PRKG1: variants seen among roughly 807,000 people sequenced by gnomAD.
PRKG1 encodes the protein protein kinase cGMP-dependent 1.
In PRKG1, 35 loss-of-function variants were observed where a neutral mutation model predicts 88.1. The observed-to-expected ratio is 0.40, with a 90% CI of 0.30 to 0.53. The LOEUF (loss-of-function observed/expected upper bound fraction) is 0.53, where lower values mean the gene tolerates loss of function less well. PRKG1 is among the 20% of genes least tolerant of loss of function. The pLI, the probability that PRKG1 is intolerant of heterozygous loss-of-function variation, is 0.59. For synonymous variants in PRKG1, 303 were observed against 292.5 expected, an observed-to-expected ratio of 1.04 and a Z score of -0.37; for missense variants, 540 against 839.8, an observed-to-expected ratio of 0.64 and a Z score of 4.41.
At chr10:51,832,658 A>G (rs868185984) in intron 4 of PRKG1, among the ~76,000 whole-genome samples, 3 of 152,140 alleles carry the variant, frequency 2.0e-5, no homozygotes, top group Non-Finnish European at 4.4e-5. Flanking sequence ...AAGCATGTAC[A>G]TTTTTTATGT....
At chr10:51,398,475 G>C (rs970358021) in intron 2 of PRKG1, among the ~76,000 whole-genome samples, 7 of 152,178 alleles carry the variant, frequency 4.6e-5, no homozygotes, top group African/African-American at 1.7e-4. Context: ...CCCAGGATTT[G>C]AGGACCCCTG....
At chr10:51,875,025 A>G (rs1449553662) in intron 4 of PRKG1, among the ~76,000 whole-genome samples, 2 of 152,168 alleles carry the variant, frequency 1.3e-5, no homozygotes, top group South Asian at 2.1e-4. Flanking sequence ...CAAAAGTGGT[A>G]ATTATCATAA....
At chr10:51,329,915 A>G (rs907070769) in intron 2 of PRKG1, among the ~76,000 whole-genome samples, 19 of 140,904 alleles carry the variant, frequency 1.3e-4, no homozygotes, top group African/African-American at 5.0e-4. Flanking sequence ...TGATTGTACT[A>G]TGTCTTAGGG....
At chr10:51,430,193 A>G (rs1378906979) in intron 2 of PRKG1, among the ~76,000 whole-genome samples, 1 of 151,632 alleles carries the variant, frequency 6.6e-6, no homozygotes, top group Non-Finnish European at 1.5e-5. Flanking sequence ...AGACAGGAGG[A>G]TTGCTTGAAC....
intron 1 of PRKG1, among the ~76,000 whole-genome samples, chr10:51,134,625 G>A (rs943745071): frequency 9.2e-5 from 14 of 152,156 alleles, no homozygotes; most frequent in Middle Eastern, 3.4e-3. Context: ...CTTTTCTATC[G>A]TAGATTTAAT....
chr10:51,952,770 G>A (rs1843215714), intron 5 of PRKG1, among the ~76,000 whole-genome samples: 2 of 152,202 alleles, frequency 1.3e-5, no homozygotes, highest in South Asian at 2.1e-4. Flanking sequence ...GAACCACACA[G>A]CCTTATTGGG....
At chr10:52,196,829 G>A (rs756881319) in intron 9 of PRKG1, among the ~76,000 whole-genome samples, 1 of 152,076 alleles carries the variant, frequency 6.6e-6, no homozygotes, top group African/African-American at 2.4e-5. Context: ...AAACCTCTTT[G>A]AAATAAGTTA....
At chr10:51,245,895 G>A (rs2132132195) in intron 2 of PRKG1, 1 of 152,196 alleles carries the variant, frequency 6.6e-6, no homozygotes, top group South Asian at 2.1e-4. Flanking sequence ...AGAGTAGGAA[G>A]CTTGATCAAA....
In PRKG1 at chr10:51,093,274, G is replaced by C. The variant is rs557757248; in HGVS notation, c.311+18373G>C. Among the ~76,000 whole-genome samples the C allele has an allele frequency of 3.0e-3, 464 of 152,230 alleles. 1 individual carries two copies. Among genetic ancestry groups the C allele is most frequent in the Non-Finnish European group, 4.8e-3 (329 of 68,010 alleles). ...AATCTGTATTTTAACCACCCATCTA[G>C]GTGATTCTGACGTGCCTTAAAAGTA... On this transcript the variant is annotated intron_variant, in intron 1 of 17. Coordinates refer to ENST00000373980, the MANE Select transcript of PRKG1 (RefSeq NM_006258.4).
At chr10:52,240,138 A>T (rs1418214590) in intron 9 of PRKG1, among the ~76,000 whole-genome samples, 1 of 152,206 alleles carries the variant, frequency 6.6e-6, no homozygotes, top group African/African-American at 2.4e-5. Flanking sequence ...TCCTGTAAGT[A>T]TGCACTGCAT....
intron 1 of PRKG1, among the ~76,000 whole-genome samples, chr10:51,038,237 G>A (rs1020343168): frequency 6.6e-6 from 1 of 152,210 alleles, no homozygotes; most frequent in South Asian, 2.1e-4. Context: ...GATGAGATAC[G>A]TTGATACAAG....
At chr10:51,823,654 G>T (rs941609968) in intron 4 of PRKG1, among the ~76,000 whole-genome samples, 4 of 151,970 alleles carry the variant, frequency 2.6e-5, no homozygotes, top group African/African-American at 9.7e-5. Flanking sequence ...TTCGATGTTT[G>T]AGAGAGACAG....
At chr10:51,612,401 G>A (rs916310953) in intron 3 of PRKG1, among the ~76,000 whole-genome samples, 2 of 151,686 alleles carry the variant, frequency 1.3e-5, no homozygotes, top group Admixed American at 1.3e-4. Context: ...ATTGTAAATG[G>A]GATTGCCCTC....
intron 5 of PRKG1, among the ~76,000 whole-genome samples, chr10:51,982,017 A>AT (rs1467350819): frequency 6.6e-6 from 1 of 151,152 alleles, no homozygotes; most frequent in Non-Finnish European, 1.5e-5. Flanking sequence ...ATTCCTTTTT[A>AT]TTTTTTTCTC....
At chr10:51,531,422 T>C (rs1235942220) in intron 3 of PRKG1, among the ~76,000 whole-genome samples, 1 of 152,176 alleles carries the variant, frequency 6.6e-6, no homozygotes, top group African/African-American at 2.4e-5. Context: ...AATTTCTGCT[T>C]CATTGAATCT....
intron 3 of PRKG1, among the ~76,000 whole-genome samples, chr10:51,657,119 T>C (rs1011665287): frequency 1.4e-4 from 22 of 152,164 alleles, no homozygotes; most frequent in Admixed American, 1.3e-3. Flanking sequence ...GTAGGTGGTG[T>C]CTACTGTTAT....
At chr10:51,661,356 A>G (rs575905433) in intron 3 of PRKG1, among the ~76,000 whole-genome samples, 13 of 152,188 alleles carry the variant, frequency 8.5e-5, no homozygotes, top group African/African-American at 3.1e-4. Context: ...TTTTTAATAC[A>G]TTGGAGTTAA....
intron 9 of PRKG1, among the ~76,000 whole-genome samples, chr10:52,183,385 G>T (rs765217492): frequency 3.3e-4 from 50 of 152,180 alleles, no homozygotes; most frequent in Admixed American, 5.2e-4. Context: ...TTGCCTAAGA[G>T]CATGTCAGCT....
At chr10:51,313,514 CAG>C (rs2132494094) in intron 2 of PRKG1, among the ~76,000 whole-genome samples, 1 of 152,266 alleles carries the variant, frequency 6.6e-6, no homozygotes, top group South Asian at 2.1e-4. Flanking sequence ...CAGGAACAAT[CAG>C]AGTAACTTCT....
Sources: allele counts gnomAD v4.1 joint callset (sites outside exome capture counted in the v4.1 genomes callset), GRCh38; gene constraint gnomAD v4.1.1; transcripts MANE v1.5; gene names NCBI Gene and HGNC (gene_info 2026-07-23, HGNC 2026-07-21).